ZFAT: variants seen among roughly 807,000 people sequenced by gnomAD.
ZFAT encodes the protein zinc finger and AT-hook domain containing.
ZFAT carries 64 observed loss-of-function variants against 117.7 expected under a neutral mutation model. That is an observed-to-expected ratio of 0.54 (90% CI 0.44 to 0.67). ZFAT has a LOEUF of 0.67. ZFAT is among the 30% of genes least tolerant of loss of function. The pLI is 0.00. For synonymous variants in ZFAT, 679 were observed against 615.0 expected (o/e 1.10, Z -1.54); for missense variants, 1,433 against 1,584.5 (o/e 0.90, Z 1.62).
At chr8:134,805,021 A>G in the ZFAT span, 4 of 469,296 alleles carry the variant, frequency 8.5e-6, no homozygotes, top group Admixed American at 2.2e-5. Flanking sequence ...CTAATAATTT[A>G]TATAATTTCT....
chr8:134,677,132 C>A lies in ZFAT; in HGVS notation c.20-19395G>T, dbSNP rs956935831. Among the ~76,000 whole-genome samples the A allele has an allele frequency of 2.6e-5, 4 of 151,858 alleles. No homozygotes were observed. In the East Asian group the frequency reaches 7.7e-4, roughly 29 times the overall value. ...GGAGATAGAGATACGAAAAACCCTTCAAAAAAATCAATGAATCCAGTAGCT... is the reference window on the plus strand; with the variant it reads ...GGAGATAGAGATACGAAAAACCCTTAAAAAAAATCAATGAATCCAGTAGCT... On this transcript the variant is annotated intron_variant, in intron 1 of 15. Coordinates refer to ENST00000377838, the MANE Select transcript of ZFAT (RefSeq NM_020863.4).
chr8:134,707,458 C>A (rs909664483), intron 1 of ZFAT, among the ~76,000 whole-genome samples: 2 of 152,076 alleles, frequency 1.3e-5, no homozygotes, highest in African/African-American at 4.8e-5. Context: ...ATAATAATAA[C>A]CCTAAGGGGC....
chr8:134,761,982 A>ATGTGTGTGTGTGTGTGTG, the ZFAT span, among the ~76,000 whole-genome samples: 1,712 of 147,206 alleles, frequency 0.012, 40 homozygotes, highest in African/African-American at 0.04. Context: ...TTCTCTCTGT[A>ATGTGTGTGTGTGTGTGTG]TGTGTGTGTG....
intron 7 of ZFAT, among the ~76,000 whole-genome samples, chr8:134,597,078 C>T (rs1374400904): frequency 6.6e-6 from 1 of 151,210 alleles, no homozygotes; most frequent in Non-Finnish European, 1.5e-5. Context: ...AAGCTGTTAC[C>T]AAAAAAAATC....
chr8:134,505,148 C>G (rs904410014), intron 15 of ZFAT, among the ~76,000 whole-genome samples: 1 of 152,154 alleles, frequency 6.6e-6, no homozygotes, highest in African/African-American at 2.4e-5. Flanking sequence ...TTATAATTTA[C>G]TTATTACATG....
At chr8:134,483,170 C>T (rs2130033950) in intron 15 of ZFAT, among the ~76,000 whole-genome samples, 1 of 152,342 alleles carries the variant, frequency 6.6e-6, no homozygotes, top group Non-Finnish European at 1.5e-5. Flanking sequence ...CCACGGCACC[C>T]AATATCCACC....
At chr8:134,496,458 CTG>C (rs1818441267) in intron 15 of ZFAT, among the ~76,000 whole-genome samples, 1 of 152,250 alleles carries the variant, frequency 6.6e-6, no homozygotes, top group African/African-American at 2.4e-5. Flanking sequence ...CAGGGGAGCT[CTG>C]TCCCAGAGGC....
chr8:134,639,887 T>G, intron 2 of ZFAT: 1 of 425,364 alleles, frequency 2.4e-6, no homozygotes. Context: ...CACAAGCCAC[T>G]CCCCTGAAAC....
chr8:134,634,577 G>A (rs1206488053), intron 3 of ZFAT, among the ~76,000 whole-genome samples: 1 of 150,108 alleles, frequency 6.7e-6, no homozygotes. Context: ...CTACAAATAT[G>A]TATACATATT....
chr8:134,675,549 G>A (rs1406434837), intron 1 of ZFAT, among the ~76,000 whole-genome samples: 3 of 152,180 alleles, frequency 2.0e-5, no homozygotes, highest in African/African-American at 7.2e-5. Context: ...TTATCCAGGA[G>A]AACTTCCCCA....
the ZFAT span, chr8:134,783,967 T>C: frequency 3.3e-5 from 5 of 152,206 alleles, no homozygotes; most frequent in Non-Finnish European, 5.9e-5. Flanking sequence ...GTTATTCAGT[T>C]TCCACCTCCC....
the ZFAT span, among the ~76,000 whole-genome samples, chr8:134,730,703 A>C: frequency 1.3e-5 from 2 of 152,208 alleles, no homozygotes; most frequent in Non-Finnish European, 2.9e-5. Flanking sequence ...AAATGACTAA[A>C]GATCCTTTCA....
At chr8:134,590,714 A>G (rs1826426897) in intron 7 of ZFAT, among the ~76,000 whole-genome samples, 1 of 133,008 alleles carries the variant, frequency 7.5e-6, no homozygotes, top group South Asian at 2.8e-4. Flanking sequence ...GACCACCATC[A>G]CCATTACCAC....
chr8:134,713,799 C>A (rs1054014083), upstream of ZFAT, among the ~76,000 whole-genome samples: 3 of 152,048 alleles, frequency 2.0e-5, no homozygotes, highest in South Asian at 6.2e-4. Flanking sequence ...TAACCCTCAC[C>A]CCCCGAAACC....
the ZFAT span, among the ~76,000 whole-genome samples, chr8:134,787,798 A>G: frequency 5.9e-5 from 8 of 135,150 alleles, no homozygotes; most frequent in African/African-American, 2.0e-4. Context: ...CCATATATTT[A>G]GAATTAAAAA....
chr8:134,611,359 C>T (rs988491435), intron 3 of ZFAT, among the ~76,000 whole-genome samples: 2 of 152,236 alleles, frequency 1.3e-5, no homozygotes, highest in African/African-American at 4.8e-5. Context: ...AATGGTGTTC[C>T]AATCTAGGGA....
intron 3 of ZFAT, among the ~76,000 whole-genome samples, chr8:134,615,381 G>C (rs898115386): frequency 6.6e-6 from 1 of 152,102 alleles, no homozygotes; most frequent in African/African-American, 2.4e-5. Context: ...TAGAGACGGG[G>C]TTTCGCCATG....
At chr8:134,734,833 C>T in the ZFAT span, among the ~76,000 whole-genome samples, 1 of 152,218 alleles carries the variant, frequency 6.6e-6, no homozygotes, top group African/African-American at 2.4e-5. Context: ...CGAGCTGGTG[C>T]AGCTGCTCAG....
At chr8:134,584,336 G>C (rs926386088) in intron 9 of ZFAT, among the ~76,000 whole-genome samples, 8 of 152,268 alleles carry the variant, frequency 5.3e-5, no homozygotes, top group East Asian at 1.9e-4. Flanking sequence ...TCTACTAGCT[G>C]AAACGTTCAC....
Sources: gnomAD v4.1 joint callset for allele counts (sites outside exome capture counted in the v4.1 genomes callset) on GRCh38, gnomAD v4.1.1 for gene constraint, MANE v1.5 for transcripts, NCBI Gene and HGNC (gene_info 2026-07-23, HGNC 2026-07-21) for gene names.